The following COL17A1 variants were observed in gnomAD, a reference collection of about 807,000 sequenced individuals.
COL17A1 encodes the protein collagen alpha-1(XVII) chain.
A neutral mutation model predicts 218.4 loss-of-function variants in COL17A1; 181 were observed. The observed-to-expected ratio is 0.83, with a 90% CI of 0.73 to 0.94. The LOEUF is 0.94. COL17A1 is among the 40% of genes least tolerant of loss of function. The pLI is 0.00. For synonymous variants in COL17A1, 721 were observed against 731.0 expected (o/e 0.99, Z 0.22); for missense variants, 1,924 against 1,945.9 (o/e 0.99, Z 0.21).
rs1380979130 is a variant in COL17A1, at chr10:104,053,068, C to G, written c.1902G>C (p.Glu634Asp). 1 of 1,614,120 alleles carries G rather than the reference C, an allele frequency of 6.2e-7. No individual in the cohort carries two copies. The highest frequency in any genetic ancestry group is 1.3e-5 in the African/African-American group (1 of 75,064). The change falls in exon 23 of 56, where the codon GAG (glutamate) becomes GAC (aspartate). Residue 634 changes from glutamate to aspartate, a missense_variant. Transcript: ENST00000648076. ...GREGPMGPRGEAGPPGSGEKG... is the reference protein window; with the variant it reads ...GREGPMGPRGDAGPPGSGEKG... ...TCTCTCCAGATCCAGGAGGCCCTGC[C>G]TCACCACGAGGTCCCATGGGGCCTT...
chr10:104,052,995 A>G, intron 23 of COL17A1, 36 bp downstream of exon 23: 2 of 1,609,736 alleles, frequency 1.2e-6, no homozygotes, highest in Non-Finnish European at 1.7e-6. Flanking sequence ...AAGCACAGGC[A>G]TAGCTAACTC....
intron 55 of COL17A1, 81 bp downstream of exon 55, chr10:104,032,593 G>A: frequency 2.8e-6 from 4 of 1,444,984 alleles, no homozygotes; most frequent in Non-Finnish European, 3.9e-6. Flanking sequence ...GCTTGCTCTG[G>A]AACAAATCAC....
At chr10:104,047,587 C>T in intron 31 of COL17A1, 152 bp downstream of exon 31, 1 of 726,748 alleles carries the variant, frequency 1.4e-6, no homozygotes. Context: ...TTTGTAAACA[C>T]CTGCATGCAC....
chr10:104,054,243 T>C, intron 20 of COL17A1, 125 bp from the exon 21 acceptor site: 1 of 871,874 alleles, frequency 1.1e-6, no homozygotes, highest in Non-Finnish European at 1.9e-6. Flanking sequence ...GATGTCCAGT[T>C]ACATTTGAAT....
intron 1 of COL17A1, among the ~76,000 whole-genome samples, chr10:104,084,164 G>T (rs1185805829): frequency 1.3e-5 from 2 of 152,154 alleles, no homozygotes; most frequent in Non-Finnish European, 2.9e-5. Flanking sequence ...GATTATGCTG[G>T]TTTGTTTACA....
rs754262602 is a variant in COL17A1, at chr10:104,061,437, G to A, written c.947C>T (p.Ala316Val). ...GVKKNMPQSP[A>V]AVNTGVSTSA... is the part of the protein sequence containing the mutation. ...GGTGGAAACGCCAGTGTTCACAGCC[G>A]CAGGACTCTGGGGCATGTTTTTCTT... is the stretch of plus-strand genomic sequence containing the variant. Residue 316 changes from alanine (A) to valine (V), a missense_variant, in exon 13 of 56, where the codon GCG becomes GTG. Transcript: ENST00000648076. 74 of 1,613,472 alleles carry A rather than the reference G, an allele frequency of 4.6e-5. No individual in the cohort carries two copies. Among genetic ancestry groups the A allele is most frequent in the Non-Finnish European group, 5.8e-5 (69 of 1,179,912 alleles).
At chr10:104,078,443 A>G in intron 3 of COL17A1, 99 bp downstream of exon 3, 2 of 1,492,784 alleles carry the variant, frequency 1.3e-6, no homozygotes, top group Non-Finnish European at 1.9e-6. Context: ...CTGTTAAAAA[A>G]GATGTCAAAA....
In COL17A1 at chr10:104,032,654, G is replaced by A. The variant is rs1267803578; in HGVS notation, c.4438+20C>T. On this transcript the variant is annotated intron_variant, in intron 55 of 55. Transcript: ENST00000648076. The stretch of plus-strand genomic sequence containing the variant: ...TGCAGCCCTCCAGAACATGCAAAAC[G>A]TGGAGCAGTCAACACTTACCTTTGT... 2.2e-5 allele frequency: 36 copies of A among 1,610,702 alleles called. No homozygotes were observed. The highest frequency in any genetic ancestry group is 2.7e-5 in the Non-Finnish European group (32 of 1,177,212).
intron 9 of COL17A1, among the ~76,000 whole-genome samples, chr10:104,068,585 C>A (rs1228585020): frequency 6.6e-6 from 1 of 152,180 alleles, no homozygotes; most frequent in Non-Finnish European, 1.5e-5. Context: ...CCAAATATGC[C>A]TGTGGAATAG....
chr10:104,053,281 C>G, intron 22 of COL17A1, 146 bp from the exon 23 acceptor site: 1 of 885,394 alleles, frequency 1.1e-6, no homozygotes, highest in Admixed American at 2.0e-5. Context: ...AGCCTTGGCT[C>G]AACCTGGAAG....
At position 104,050,951 on chromosome 10, in the gene COL17A1, AATG is replaced by A. The variant is rs375326484; in HGVS notation, c.2039-53_2039-51del. On this transcript the variant is annotated intron_variant, in intron 25 of 55. Coordinates refer to ENST00000648076, the MANE Select transcript of COL17A1 (RefSeq NM_000494.4). ...CACAGATGAGTATCCCTAGCTTTGG[AATG>A]ATGAGACATGTATGCACACACATGC... 11,765 of 1,613,544 alleles carry A rather than the reference AATG, an allele frequency of 7.3e-3. 62 individuals carry two copies. The highest frequency in any genetic ancestry group is 8.9e-3 in the Non-Finnish European group (10,489 of 1,179,852).
At chr10:104,041,685 G>A in intron 36 of COL17A1, 147 bp from the exon 37 acceptor site, 1 of 697,596 alleles carries the variant, frequency 1.4e-6, no homozygotes, top group South Asian at 1.8e-5. Flanking sequence ...TGGCACAAGA[G>A]CCTGCAGCAC....
At chr10:104,059,813 G>A (rs1391055395) in intron 14 of COL17A1, 95 bp from the exon 15 acceptor site, 5 of 1,294,222 alleles carry the variant, frequency 3.9e-6, no homozygotes, top group Non-Finnish European at 5.6e-6. Flanking sequence ...ACCCTGCTTG[G>A]GAAGGTCTAG....
At chr10:104,050,533 A>C in intron 27 of COL17A1, 88 bp downstream of exon 27, 1 of 1,606,240 alleles carries the variant, frequency 6.2e-7, no homozygotes, top group Non-Finnish European at 8.5e-7. Flanking sequence ...GGTCCTGTGC[A>C]CCCTCAGACC....
At chr10:104,052,005 G>T in intron 24 of COL17A1, 150 bp downstream of exon 24, 2 of 1,000,760 alleles carry the variant, frequency 2.0e-6, no homozygotes, top group Non-Finnish European at 3.2e-6. Context: ...TTTTCTGGGG[G>T]ATGCTCTTTG....
At chr10:104,070,344 T>C (rs2086659005) in intron 9 of COL17A1, 82 bp downstream of exon 9, 1 of 1,594,520 alleles carries the variant, frequency 6.3e-7, no homozygotes, top group African/African-American at 1.3e-5. Context: ...CACTGTTCTC[T>C]GGGTCTCTGA....
intron 17 of COL17A1, among the ~76,000 whole-genome samples, chr10:104,056,581 CAAA>C (rs67209277): frequency 1.3e-5 from 2 of 149,670 alleles, no homozygotes; most frequent in Non-Finnish European, 3.0e-5. Context: ...GACGCCGTCT[CAAA>C]AAAAAAAAAG....
chr10:104,071,975 C>G, intron 8 of COL17A1, 57 bp downstream of exon 8: 1 of 1,611,872 alleles, frequency 6.2e-7, no homozygotes, highest in East Asian at 2.2e-5. Flanking sequence ...CACACACACA[C>G]AGCACTAGCC....
chr10:104,075,808 G>A (rs912603603), intron 5 of COL17A1, among the ~76,000 whole-genome samples: 1 of 152,214 alleles, frequency 6.6e-6, no homozygotes, highest in Non-Finnish European at 1.5e-5. Flanking sequence ...TGCTCCCACA[G>A]CTTGGACAGT....
Sources: gnomAD v4.1 joint callset for allele counts (sites outside exome capture counted in the v4.1 genomes callset) on GRCh38, gnomAD v4.1.1 for gene constraint, MANE v1.5 for transcripts, NCBI Gene and HGNC (gene_info 2026-07-23, HGNC 2026-07-21) for gene names.